The following PTPRT variants were observed in gnomAD, a reference collection of about 807,000 sequenced individuals.
The protein encoded by PTPRT is receptor-type tyrosine-protein phosphatase T.
A neutral mutation model predicts 176.8 loss-of-function variants in PTPRT; 56 were observed. That is an observed-to-expected ratio of 0.32 (90% CI 0.26 to 0.40). PTPRT has a LOEUF of 0.40. Among genes scored for constraint, PTPRT ranks in the 10% least tolerant of loss-of-function variants. The pLI is 1.00. For synonymous variants in PTPRT, 783 were observed against 739.0 expected, an observed-to-expected ratio of 1.06 and a Z score of -0.96; for missense variants, 1,540 against 1,908.2, an observed-to-expected ratio of 0.81 and a Z score of 3.60.
intron 6 of PTPRT, among the ~76,000 whole-genome samples, chr20:42,690,125 C>T (rs1286722360): frequency 6.6e-6 from 1 of 151,840 alleles, no homozygotes; most frequent in African/African-American, 2.4e-5. Context: ...AAGACTGGGT[C>T]ATGCACGGAT....
the PTPRT span, among the ~76,000 whole-genome samples, chr20:42,055,784 C>T: frequency 1.3e-5 from 2 of 152,174 alleles, no homozygotes; most frequent in Non-Finnish European, 2.9e-5. Context: ...GGAGGAGCTG[C>T]ATTTGTGCAG....
At chr20:42,452,206 T>C (rs1338517365) in intron 8 of PTPRT, among the ~76,000 whole-genome samples, 1 of 150,948 alleles carries the variant, frequency 6.6e-6, no homozygotes, top group Non-Finnish European at 1.5e-5. Context: ...GAGGTGGAGG[T>C]TGCAGTGAGC....
chr20:42,484,175 A>G (rs2071431354), intron 7 of PTPRT, among the ~76,000 whole-genome samples: 1 of 152,160 alleles, frequency 6.6e-6, no homozygotes, highest in Non-Finnish European at 1.5e-5. Flanking sequence ...ACAGTTAACC[A>G]GAGGTTCACA....
chr20:42,930,689 A>G (rs1253883472), intron 1 of PTPRT, among the ~76,000 whole-genome samples: 3 of 152,014 alleles, frequency 2.0e-5, no homozygotes, highest in African/African-American at 7.2e-5. Context: ...TATGTTGCCC[A>G]GGCTGGTCTT....
At chr20:42,345,366 T>TAC (rs35901100) in intron 11 of PTPRT, among the ~76,000 whole-genome samples, 2,053 of 134,090 alleles carry the variant, frequency 0.015, 80 homozygotes, top group African/African-American at 0.034. Context: ...AAGGCATATA[T>TAC]ACACACACAC....
chr20:42,782,942 C>CT (rs1162782740), intron 3 of PTPRT, among the ~76,000 whole-genome samples: 4 of 152,128 alleles, frequency 2.6e-5, no homozygotes, highest in Non-Finnish European at 4.4e-5. Context: ...ACTTTGACTA[C>CT]TAATCGTATA....
At chr20:42,794,886 C>T (rs2077430965) in intron 2 of PTPRT, among the ~76,000 whole-genome samples, 1 of 151,900 alleles carries the variant, frequency 6.6e-6, no homozygotes, top group Admixed American at 6.6e-5. Context: ...GATCCAGCGG[C>T]CATCTCTAGC....
intron 6 of PTPRT, among the ~76,000 whole-genome samples, chr20:42,699,278 T>C (rs1461429629): frequency 1.3e-5 from 2 of 152,176 alleles, no homozygotes; most frequent in Non-Finnish European, 2.9e-5. Context: ...ATCTCAAGTA[T>C]ATGTGATCAT....
At chr20:43,176,863 T>C (rs1437487958) in intron 1 of PTPRT, among the ~76,000 whole-genome samples, 3 of 152,224 alleles carry the variant, frequency 2.0e-5, no homozygotes, top group East Asian at 3.9e-4. Context: ...ATAGCAAAAA[T>C]TGGGATGCTT....
chr20:42,378,126 T>G (rs1438797177), intron 9 of PTPRT, among the ~76,000 whole-genome samples: 1 of 152,154 alleles, frequency 6.6e-6, no homozygotes, highest in Non-Finnish European at 1.5e-5. Context: ...AAGTGTGTAT[T>G]GAAAACAGCA....
intron 7 of PTPRT, among the ~76,000 whole-genome samples, chr20:42,574,105 C>A (rs2073213612): frequency 6.6e-6 from 1 of 152,116 alleles, no homozygotes; most frequent in African/African-American, 2.4e-5. Context: ...GTTGGAGAAG[C>A]ATTGAGCCTG....
intron 6 of PTPRT, 132 bp from the exon 7 acceptor site, chr20:42,678,291 T>G: frequency 1.2e-6 from 1 of 820,952 alleles, no homozygotes; most frequent in Non-Finnish European, 1.8e-6. Context: ...CTTTTTGTTT[T>G]ATTTTATTAT....
At chr20:42,525,726 A>G (rs2072256578) in intron 7 of PTPRT, among the ~76,000 whole-genome samples, 2 of 152,206 alleles carry the variant, frequency 1.3e-5, no homozygotes, top group Admixed American at 1.3e-4. Flanking sequence ...AGTCTCTATA[A>G]TATGAAGAGT....
At chr20:42,213,158 C>A (rs2146749511) in intron 15 of PTPRT, among the ~76,000 whole-genome samples, 1 of 143,242 alleles carries the variant, frequency 7.0e-6, no homozygotes, top group Admixed American at 7.2e-5. Flanking sequence ...CGGCCCTGCC[C>A]TGACCTACTG....
At chr20:42,832,704 A>G (rs7363793) in intron 2 of PTPRT, among the ~76,000 whole-genome samples, 2 of 150,906 alleles carry the variant, frequency 1.3e-5, no homozygotes, top group African/African-American at 4.9e-5. Flanking sequence ...CAGAAAGAAA[A>G]AAAAAAAAAG....
intron 16 of PTPRT, among the ~76,000 whole-genome samples, chr20:42,196,754 GA>G (rs1284164133): frequency 1.3e-5 from 2 of 152,020 alleles, no homozygotes; most frequent in Admixed American, 6.5e-5. Context: ...TTGAAAATGG[GA>G]AAAAAAGGAC....
At chr20:42,631,348 C>T (rs2074400661) in intron 7 of PTPRT, among the ~76,000 whole-genome samples, 1 of 152,190 alleles carries the variant, frequency 6.6e-6, no homozygotes, top group East Asian at 1.9e-4. Context: ...TTCCTGAAGA[C>T]TTAAATCAAG....
At chr20:43,140,629 T>C (rs1479026508) in intron 1 of PTPRT, among the ~76,000 whole-genome samples, 1 of 152,186 alleles carries the variant, frequency 6.6e-6, no homozygotes, top group Non-Finnish European at 1.5e-5. Flanking sequence ...GAGCTCATCC[T>C]ATTTCACTTC....
chr20:42,126,052 G>C (rs1017063623), intron 19 of PTPRT, among the ~76,000 whole-genome samples: 2 of 151,566 alleles, frequency 1.3e-5, no homozygotes, highest in Non-Finnish European at 2.9e-5. Context: ...AGGAGAAAGA[G>C]TGCTAAACTG....
Sources: gnomAD v4.1 joint callset for allele counts (sites outside exome capture counted in the v4.1 genomes callset) on GRCh38, gnomAD v4.1.1 for gene constraint, MANE v1.5 for transcripts, NCBI Gene and HGNC (gene_info 2026-07-23, HGNC 2026-07-21) for gene names.